Variants in PDE4D observed in about 807,000 individuals in gnomAD.
PDE4D encodes 3',5'-cyclic-AMP phosphodiesterase 4D.
In PDE4D, 24 loss-of-function variants were observed where a neutral mutation model predicts 87.4. The ratio of observed to expected loss-of-function variants is 0.27; its 90% CI spans 0.20 to 0.39. PDE4D has a LOEUF of 0.39. Ranked by LOEUF, PDE4D falls within the 10% of genes least tolerant of loss-of-function variation. The pLI is 1.00. For synonymous variants in PDE4D, 384 were observed against 383.2 expected (o/e 1.00, Z -0.02); for missense variants, 714 against 1,041.0 (o/e 0.69, Z 4.32).
At chr5:60,509,508 C>T (rs1313108460) in intron 1 of PDE4D, among the ~76,000 whole-genome samples, 1 of 152,210 alleles carries the variant, frequency 6.6e-6, no homozygotes, top group Non-Finnish European at 1.5e-5. Context: ...ATTGACCATA[C>T]ATTGATTTTC....
chr5:59,539,155 T>C (rs1020706603), intron 1 of PDE4D, among the ~76,000 whole-genome samples: 3 of 152,212 alleles, frequency 2.0e-5, no homozygotes, highest in Non-Finnish European at 4.4e-5. Flanking sequence ...TATGTGAGTA[T>C]CTTGCTCACT....
intron 1 of PDE4D, among the ~76,000 whole-genome samples, chr5:60,303,387 C>A (rs1015688143): frequency 5.7e-4 from 86 of 149,960 alleles, no homozygotes; most frequent in African/African-American, 2.1e-3. Flanking sequence ...CGGCTCACTG[C>A]AAGCTCCGCC....
chr5:59,710,302 G>A (rs544405261), intron 1 of PDE4D, among the ~76,000 whole-genome samples: 1 of 152,250 alleles, frequency 6.6e-6, no homozygotes, highest in East Asian at 1.9e-4. Flanking sequence ...TGAGAGGCAG[G>A]AAAGCAAGAA....
intron 1 of PDE4D, among the ~76,000 whole-genome samples, chr5:59,584,436 G>A (rs1049991852): frequency 6.6e-6 from 1 of 152,192 alleles, no homozygotes; most frequent in African/African-American, 2.4e-5. Flanking sequence ...CAACAGATTG[G>A]TACGACATGC....
chr5:59,288,929 T>A (rs975304398), intron 1 of PDE4D, among the ~76,000 whole-genome samples: 2 of 152,066 alleles, frequency 1.3e-5, no homozygotes, highest in Non-Finnish European at 1.5e-5. Flanking sequence ...ACCTATCCTG[T>A]AAGAAATGCT....
chr5:59,808,020 A>G (rs897022243), intron 1 of PDE4D, among the ~76,000 whole-genome samples: 12 of 152,224 alleles, frequency 7.9e-5, no homozygotes, highest in African/African-American at 2.4e-4. Flanking sequence ...CCTTATCTCC[A>G]CTGTCATTTT....
intron 2 of PDE4D, among the ~76,000 whole-genome samples, chr5:59,209,652 T>C (rs201496182): frequency 6.6e-6 from 1 of 152,192 alleles, no homozygotes; most frequent in African/African-American, 2.4e-5. Context: ...AATAACTTAA[T>C]AAGGTTTTGT....
intron 5 of PDE4D, among the ~76,000 whole-genome samples, chr5:59,134,088 C>G (rs1049776267): frequency 6.7e-5 from 10 of 149,866 alleles, no homozygotes; most frequent in Admixed American, 4.0e-4. Context: ...TTCCTTTCAC[C>G]CCCTCAACTC....
intron 2 of PDE4D, among the ~76,000 whole-genome samples, chr5:60,180,165 C>T (rs1409646492): frequency 6.6e-6 from 1 of 152,262 alleles, no homozygotes; most frequent in East Asian, 1.9e-4. Context: ...TTGGCTTTGG[C>T]CACTAAAACA....
At chr5:59,437,153 A>G (rs758782076) in intron 1 of PDE4D, among the ~76,000 whole-genome samples, 13 of 152,234 alleles carry the variant, frequency 8.5e-5, no homozygotes, top group Non-Finnish European at 1.2e-4. Flanking sequence ...AATGATGCTC[A>G]TTCATTGAAA....
chr5:60,004,521 G>T (rs1764295640), intron 2 of PDE4D, among the ~76,000 whole-genome samples: 1 of 150,136 alleles, frequency 6.7e-6, no homozygotes, highest in Non-Finnish European at 1.5e-5. Flanking sequence ...AAATATTTTT[G>T]ATTCTCAGAT....
intron 1 of PDE4D, among the ~76,000 whole-genome samples, chr5:59,856,899 C>CT (rs199636680): frequency 2.3e-4 from 35 of 151,802 alleles, no homozygotes; most frequent in African/African-American, 8.0e-4. Flanking sequence ...AGTATTAGTC[C>CT]TTTTTTTTCT....
intron 5 of PDE4D, among the ~76,000 whole-genome samples, chr5:59,044,234 T>G (rs928800748): frequency 4.6e-5 from 7 of 152,258 alleles, no homozygotes; most frequent in East Asian, 1.9e-4. Flanking sequence ...CCTGACTTTT[T>G]AATGATTGCC....
chr5:60,404,045 C>T (rs1230544501), intron 1 of PDE4D, among the ~76,000 whole-genome samples: 2 of 152,010 alleles, frequency 1.3e-5, no homozygotes, highest in African/African-American at 4.8e-5. Context: ...AGCGATTCTC[C>T]TCAGAAAGGA....
chr5:59,350,286 C>T (rs40125), intron 1 of PDE4D, among the ~76,000 whole-genome samples: 99,158 of 151,862 alleles, frequency 0.65, 33,447 homozygotes, highest in Middle Eastern at 0.82. Flanking sequence ...ACTGAAAGCA[C>T]TGAATTAGAT....
intron 5 of PDE4D, among the ~76,000 whole-genome samples, chr5:59,074,149 C>G (rs58830206): frequency 1.3e-5 from 2 of 152,030 alleles, no homozygotes; most frequent in African/African-American, 4.8e-5. Context: ...ATTCAAGGAA[C>G]GTTTGTTAAT....
chr5:60,280,739 T>A (rs778181422), intron 1 of PDE4D, among the ~76,000 whole-genome samples: 47 of 152,164 alleles, frequency 3.1e-4, no homozygotes, highest in Non-Finnish European at 4.9e-4. Context: ...GTAAATAGCA[T>A]CATTGTGAGA....
intron 1 of PDE4D, among the ~76,000 whole-genome samples, chr5:60,286,340 A>G (rs1003076903): frequency 3.9e-5 from 6 of 152,208 alleles, no homozygotes; most frequent in African/African-American, 1.4e-4. Context: ...AACATTCTTA[A>G]AGACCATTTT....
chr5:60,103,809 TC>T (rs1776514652), intron 2 of PDE4D, among the ~76,000 whole-genome samples: 1 of 151,854 alleles, frequency 6.6e-6, no homozygotes, highest in Admixed American at 6.6e-5. Context: ...TTTACTTACA[TC>T]TAGCATTAAG....
Sources: allele counts gnomAD v4.1 joint callset (sites outside exome capture counted in the v4.1 genomes callset), GRCh38; gene constraint gnomAD v4.1.1; transcripts MANE v1.5; gene names NCBI Gene and HGNC (gene_info 2026-07-23, HGNC 2026-07-21).